ATRNL1: variants seen among roughly 807,000 people sequenced by gnomAD.
The protein encoded by ATRNL1 is attractin like 1.
ATRNL1 carries 95 observed loss-of-function variants against 182.7 expected under a neutral mutation model. The observed-to-expected ratio is 0.52, with a 90% CI of 0.44 to 0.62. The LOEUF is 0.62. Among genes scored for constraint, ATRNL1 ranks in the 20% least tolerant of loss-of-function variants. The pLI is 0.00. For missense variants in ATRNL1, 1,471 were observed against 1,679.5 expected, an observed-to-expected ratio of 0.88 and a Z score of 2.17; for synonymous variants, 576 against 568.3, an observed-to-expected ratio of 1.01 and a Z score of -0.19.
intron 19 of ATRNL1, among the ~76,000 whole-genome samples, chr10:115,380,783 G>A (rs530810039): frequency 1.9e-3 from 283 of 152,028 alleles, no homozygotes; most frequent in African/African-American, 6.3e-3. Context: ...TTGTTTCTTC[G>A]TTAGTTGATG....
At chr10:115,633,472 A>G (rs1220115926) in intron 26 of ATRNL1, among the ~76,000 whole-genome samples, 1 of 152,204 alleles carries the variant, frequency 6.6e-6, no homozygotes, top group East Asian at 1.9e-4. Flanking sequence ...TTCTTCTATA[A>G]GAATTTATAG....
chr10:115,270,236 TATAA>T (rs1337926485), intron 13 of ATRNL1, among the ~76,000 whole-genome samples: 4 of 144,732 alleles, frequency 2.8e-5, no homozygotes, highest in Non-Finnish European at 6.0e-5. Context: ...AGTTTATATA[TATAA>T]ATAAATAATA....
At chr10:115,869,606 C>T (rs1364958575) in intron 28 of ATRNL1, among the ~76,000 whole-genome samples, 2 of 152,036 alleles carry the variant, frequency 1.3e-5, no homozygotes, top group East Asian at 1.9e-4. Context: ...TAGTCTCCCC[C>T]GTAGCTCATG....
intron 21 of ATRNL1, among the ~76,000 whole-genome samples, chr10:115,453,931 A>G (rs909603458): frequency 5.9e-5 from 9 of 151,980 alleles, no homozygotes; most frequent in Non-Finnish European, 1.2e-4. Flanking sequence ...CATGTACCCT[A>G]AAACTTAAAG....
At chr10:115,309,071 T>G (rs1853885373) in intron 17 of ATRNL1, among the ~76,000 whole-genome samples, 1 of 152,264 alleles carries the variant, frequency 6.6e-6, no homozygotes, top group East Asian at 1.9e-4. Context: ...GTTGTAAGTA[T>G]TTGGCTTTAT....
chr10:115,385,094 A>G (rs1858258780), intron 19 of ATRNL1, among the ~76,000 whole-genome samples: 1 of 152,082 alleles, frequency 6.6e-6, no homozygotes, highest in Non-Finnish European at 1.5e-5. Flanking sequence ...ATAAATTTGT[A>G]AACGTATGTG....
intron 26 of ATRNL1, among the ~76,000 whole-genome samples, chr10:115,564,713 C>G (rs1411625803): frequency 1.3e-5 from 2 of 151,922 alleles, no homozygotes; most frequent in Non-Finnish European, 2.9e-5. Context: ...TTATTCTCTC[C>G]TCTCTATAGC....
intron 27 of ATRNL1, among the ~76,000 whole-genome samples, chr10:115,791,429 G>C (rs868951811): frequency 3.3e-5 from 5 of 152,048 alleles, no homozygotes; most frequent in Non-Finnish European, 7.4e-5. Context: ...TCACCACCCA[G>C]GTTAAGAAAT....
At chr10:115,855,686 G>A (rs1447693298) in intron 28 of ATRNL1, among the ~76,000 whole-genome samples, 1 of 152,126 alleles carries the variant, frequency 6.6e-6, no homozygotes, top group Non-Finnish European at 1.5e-5. Flanking sequence ...TCGATAGACT[G>A]GATTTTGTGT....
At chr10:115,880,739 A>G (rs1951808436) in intron 28 of ATRNL1, among the ~76,000 whole-genome samples, 1 of 152,204 alleles carries the variant, frequency 6.6e-6, no homozygotes, top group South Asian at 2.1e-4. Context: ...TTACCTAATC[A>G]GTATTGGATT....
intron 28 of ATRNL1, among the ~76,000 whole-genome samples, chr10:115,933,401 A>G (rs1000037839): frequency 1.5e-5 from 2 of 129,208 alleles, no homozygotes; most frequent in Non-Finnish European, 3.0e-5. Context: ...TCAACTAACA[A>G]GACCAAATGC....
chr10:115,288,694 G>T (rs1554919920), intron 15 of ATRNL1, among the ~76,000 whole-genome samples: 1 of 151,642 alleles, frequency 6.6e-6, no homozygotes, highest in Non-Finnish European at 1.5e-5. Flanking sequence ...GCTAATTTTT[G>T]TATTTTTAGT....
intron 26 of ATRNL1, among the ~76,000 whole-genome samples, chr10:115,720,060 G>T (rs965154274): frequency 3.3e-5 from 5 of 151,874 alleles, no homozygotes; most frequent in African/African-American, 1.2e-4. Context: ...ACAGAGTTTC[G>T]TCATGTTGGC....
chr10:115,706,473 T>C lies in ATRNL1; in HGVS notation c.3796-20775T>C, dbSNP rs547582607. Among the ~76,000 whole-genome samples the C allele has an allele frequency of 3.9e-5, 6 of 151,974 alleles. No homozygotes were observed. In the South Asian group the frequency reaches 1.2e-3, roughly 31 times the overall value. Reference sequence around the variant, plus strand: ...GATTCTAGAGATTAGGACCTGGAGATTTTTTGGGGGTGGGCATTATTCAGC... The same window carrying C: ...GATTCTAGAGATTAGGACCTGGAGACTTTTTGGGGGTGGGCATTATTCAGC... On this transcript the variant is annotated intron_variant, in intron 26 of 28. Coordinates refer to ENST00000355044, the MANE Select transcript of ATRNL1 (RefSeq NM_207303.4).
intron 24 of ATRNL1, among the ~76,000 whole-genome samples, chr10:115,503,382 T>C (rs782189845): frequency 1.3e-5 from 2 of 151,910 alleles, no homozygotes; most frequent in Admixed American, 6.6e-5. Context: ...TCTCAGGCAA[T>C]AACAAACAGG....
At position 115,472,357 on chromosome 10, in the gene ATRNL1, A is replaced by T. The variant is rs192514976; in HGVS notation, c.3654+3028A>T. Reference sequence around the variant, plus strand: ...TTTGTGGTTCCTTTTGAATTTAAAAATTTTTTTTTCTATATCTGTGAAAAA... The same window carrying T: ...TTTGTGGTTCCTTTTGAATTTAAAATTTTTTTTTTCTATATCTGTGAAAAA... On this transcript the variant is annotated intron_variant, in intron 24 of 28. Transcript: ENST00000355044. Among the ~76,000 whole-genome samples, 1,488 of 150,610 alleles carry T rather than the reference A, an allele frequency of 9.9e-3. 10 individuals are homozygous for T. Among genetic ancestry groups the T allele is most frequent in the Non-Finnish European group, 0.012 (812 of 67,112 alleles).
At chr10:115,323,145 A>G (rs1195473899) in intron 18 of ATRNL1, among the ~76,000 whole-genome samples, 2 of 151,834 alleles carry the variant, frequency 1.3e-5, no homozygotes, top group East Asian at 1.9e-4. Flanking sequence ...ATGATGTCCC[A>G]TATGTTTTTC....
chr10:115,804,197 G>T (rs1424431291), intron 27 of ATRNL1, among the ~76,000 whole-genome samples: 1 of 152,082 alleles, frequency 6.6e-6, no homozygotes, highest in Non-Finnish European at 1.5e-5. Flanking sequence ...CCTAATTGGG[G>T]CTCTTAACTA....
chr10:115,280,170 C>T (rs986877311), intron 13 of ATRNL1, among the ~76,000 whole-genome samples: 22 of 152,132 alleles, frequency 1.4e-4, no homozygotes, highest in African/African-American at 5.3e-4. Context: ...AAACGAAGAA[C>T]CTGATGTGTG....
Sources: gnomAD v4.1 joint callset for allele counts (sites outside exome capture counted in the v4.1 genomes callset) on GRCh38, gnomAD v4.1.1 for gene constraint, MANE v1.5 for transcripts, NCBI Gene and HGNC (gene_info 2026-07-23, HGNC 2026-07-21) for gene names.